The following PARP8 variants were observed in gnomAD, a reference collection of about 807,000 sequenced individuals.
PARP8 encodes protein mono-ADP-ribosyltransferase PARP8.
Under a neutral mutation model 124.1 loss-of-function variants are expected in PARP8, and 51 were observed. The observed-to-expected ratio is 0.41, with a 90% confidence interval of 0.33 to 0.52. The LOEUF is 0.52. Among genes scored for constraint, PARP8 ranks in the 20% least tolerant of loss-of-function variants. The probability of loss-of-function intolerance (pLI) is 0.21; values close to 1 mark genes in which losing one functional copy is unlikely to be tolerated. For synonymous variants in PARP8, 391 were observed against 361.5 expected, an observed-to-expected ratio of 1.08 and a Z score of -0.93; for missense variants, 860 against 1,018.9, an observed-to-expected ratio of 0.84 and a Z score of 2.12.
chr5:50,695,102 C>T (rs1273167714), intron 2 of PARP8, among the ~76,000 whole-genome samples: 1 of 152,164 alleles, frequency 6.6e-6, no homozygotes, highest in Non-Finnish European at 1.5e-5. Flanking sequence ...CCTTTGGCAA[C>T]CCCCTCACAG....
intron 2 of PARP8, among the ~76,000 whole-genome samples, chr5:50,723,308 C>T (rs1756093286): frequency 6.6e-6 from 1 of 152,070 alleles, no homozygotes; most frequent in Non-Finnish European, 1.5e-5. Context: ...TATTAAATAT[C>T]TCTCAAGTGT....
At chr5:50,770,186 A>G (rs1004084314) in intron 7 of PARP8, among the ~76,000 whole-genome samples, 1 of 151,946 alleles carries the variant, frequency 6.6e-6, no homozygotes, top group African/African-American at 2.4e-5. Flanking sequence ...CTATTTCCTT[A>G]TTATTCTATA....
intron 9 of PARP8, among the ~76,000 whole-genome samples, chr5:50,781,907 A>G (rs1298208293): frequency 6.6e-6 from 1 of 151,754 alleles, no homozygotes; most frequent in Non-Finnish European, 1.5e-5. Context: ...TTTCCTATCT[A>G]CCCTCGTCTC....
intron 2 of PARP8, among the ~76,000 whole-genome samples, chr5:50,681,340 G>C (rs1314950882): frequency 6.6e-6 from 1 of 151,992 alleles, no homozygotes; most frequent in Non-Finnish European, 1.5e-5. Flanking sequence ...AAAATTAGGT[G>C]AATTCAGCTT....
chr5:50,739,210 C>T lies in PARP8; in HGVS notation c.147-10941C>T, dbSNP rs58695991. On this transcript the variant is annotated intron_variant, in intron 2 of 25. Coordinates refer to ENST00000281631, the MANE Select transcript of PARP8 (RefSeq NM_024615.4). ...CTTCCATTGCAGGGGGATCTGTTAT[C>T]CTGATGGCTTATCCAGTCATTCAGT... 5,574 of 611,500 alleles carry T rather than the reference C, an allele frequency of 9.1e-3. 219 individuals carry two copies. Among genetic ancestry groups the T allele is most frequent in the African/African-American group, 0.088 (4,923 of 55,768 alleles). 37.9% of individuals were successfully genotyped at this position (611,500 alleles called of 1,614,324 possible).
At chr5:50,717,683 G>T (rs534169232) in intron 2 of PARP8, among the ~76,000 whole-genome samples, 2 of 152,032 alleles carry the variant, frequency 1.3e-5, no homozygotes, top group South Asian at 4.1e-4. Context: ...AACTAAGGAA[G>T]GACCATAGGC....
intron 2 of PARP8, among the ~76,000 whole-genome samples, chr5:50,733,027 CGCGGTGGCTCAT>C (rs996102107): frequency 1.3e-5 from 2 of 151,640 alleles, no homozygotes; most frequent in Non-Finnish European, 2.9e-5. Context: ...AAAGGCCGGG[CGCGGTGGCTCAT>C]GCCTGTAATG....
intron 14 of PARP8, among the ~76,000 whole-genome samples, chr5:50,804,556 T>C (rs1206862923): frequency 3.9e-5 from 6 of 152,202 alleles, no homozygotes; most frequent in Non-Finnish European, 7.3e-5. Context: ...CTAGTATATC[T>C]ACTTTGGAAA....
At chr5:50,680,098 G>A (rs1751116559) in intron 2 of PARP8, among the ~76,000 whole-genome samples, 1 of 152,104 alleles carries the variant, frequency 6.6e-6, no homozygotes, top group Non-Finnish European at 1.5e-5. Flanking sequence ...TTTAAATTAA[G>A]TTTAAACTGT....
At chr5:50,680,260 T>C (rs1228907929) in intron 2 of PARP8, among the ~76,000 whole-genome samples, 3 of 152,182 alleles carry the variant, frequency 2.0e-5, no homozygotes, top group African/African-American at 7.2e-5. Flanking sequence ...TCAGGTTCTT[T>C]ACAAGCTTCC....
chr5:50,777,725 C>T (rs1347035084), intron 7 of PARP8, among the ~76,000 whole-genome samples: 5 of 152,144 alleles, frequency 3.3e-5, no homozygotes, highest in Admixed American at 2.0e-4. Flanking sequence ...TCTTCAGAAG[C>T]AGCTCCTTAT....
chr5:50,770,482 A>T (rs1056741362), intron 7 of PARP8, among the ~76,000 whole-genome samples: 2 of 152,034 alleles, frequency 1.3e-5, no homozygotes. Context: ...TTTTGAACAG[A>T]TCTGTGAACT....
chr5:50,721,888 A>T (rs1755925562), intron 2 of PARP8, among the ~76,000 whole-genome samples: 1 of 152,096 alleles, frequency 6.6e-6, no homozygotes, highest in Admixed American at 6.6e-5. Context: ...TCTTCTTTTT[A>T]CAGGTAATTC....
At chr5:50,798,747 G>C (rs1483411381) in intron 14 of PARP8, among the ~76,000 whole-genome samples, 1 of 152,098 alleles carries the variant, frequency 6.6e-6, no homozygotes, top group Non-Finnish European at 1.5e-5. Flanking sequence ...GGCCGAAGCA[G>C]TTTCTTATTG....
intron 9 of PARP8, among the ~76,000 whole-genome samples, chr5:50,783,993 T>G (rs1223488834): frequency 6.6e-6 from 1 of 152,200 alleles, no homozygotes; most frequent in Non-Finnish European, 1.5e-5. Flanking sequence ...AAAGTTGATA[T>G]TTTATGTTTT....
chr5:50,777,928 A>T, intron 7 of PARP8, 141 bp from the exon 8 acceptor site: 2 of 661,836 alleles, frequency 3.0e-6, no homozygotes, highest in South Asian at 1.9e-5. Context: ...TAGTTATTTC[A>T]TATCCACAGT....
chr5:50,789,423 C>A (rs1164968291), intron 10 of PARP8, among the ~76,000 whole-genome samples: 2 of 151,986 alleles, frequency 1.3e-5, no homozygotes, highest in Non-Finnish European at 2.9e-5. Flanking sequence ...ACTTTGGGAC[C>A]CACTGGCCTG....
At chr5:50,675,916 A>G (rs1191495494) in intron 2 of PARP8, among the ~76,000 whole-genome samples, 1 of 152,252 alleles carries the variant, frequency 6.6e-6, no homozygotes, top group Non-Finnish European at 1.5e-5. Context: ...ACTGCCTAGA[A>G]TATAGTAAAT....
chr5:50,710,527 C>CT (rs1189963427), intron 2 of PARP8, among the ~76,000 whole-genome samples: 1 of 151,590 alleles, frequency 6.6e-6, no homozygotes, highest in South Asian at 2.1e-4. Context: ...TTAAATAAAC[C>CT]TTTTTTATTT....
Sources: gnomAD v4.1 joint callset for allele counts (sites outside exome capture counted in the v4.1 genomes callset) on GRCh38, gnomAD v4.1.1 for gene constraint, MANE v1.5 for transcripts, NCBI Gene and HGNC (gene_info 2026-07-23, HGNC 2026-07-21) for gene names.